The following SRBD1 variants were observed in gnomAD, a reference collection of about 807,000 sequenced individuals.
SRBD1 encodes the protein S1 RNA-binding domain-containing protein 1.
SRBD1 carries 88 observed loss-of-function variants against 115.3 expected under a neutral mutation model. That is an observed-to-expected ratio of 0.76 (90% CI 0.64 to 0.91). The LOEUF is 0.91. SRBD1 is among the 40% of genes least tolerant of loss of function. The pLI, the probability that SRBD1 is intolerant of heterozygous loss-of-function variation, is 0.00. For synonymous variants in SRBD1, 509 were observed against 407.7 expected, an observed-to-expected ratio of 1.25 and a Z score of -2.99; for missense variants, 1,385 against 1,177.4, an observed-to-expected ratio of 1.18 and a Z score of -2.58.
At chr2:45,515,099 C>G (rs547243711) in intron 14 of SRBD1, among the ~76,000 whole-genome samples, 2 of 152,222 alleles carry the variant, frequency 1.3e-5, no homozygotes, top group East Asian at 3.9e-4. Context: ...ACAGCAAATT[C>G]CATGAGAACA....
chr2:45,530,622 C>T (rs1229874604), intron 14 of SRBD1, among the ~76,000 whole-genome samples: 1 of 151,956 alleles, frequency 6.6e-6, no homozygotes, highest in African/African-American at 2.4e-5. Flanking sequence ...AAAGAAGATG[C>T]TATTAACTGT....
rs374546362 is a variant in SRBD1 at position 45,565,465 on chromosome 2, AC to A, written c.1306-2710del. On this transcript the variant is annotated intron_variant, in intron 9 of 20. Transcript: ENST00000263736. ...TGGACGGACCCCTACTTCACGCTAT[AC>A]ATAAAAATTAACTCAAAATTGATCT... 2.7e-3 allele frequency among the ~76,000 whole-genome samples: 414 copies of A among 152,320 alleles called. 1 individual carries two copies. The highest frequency in any genetic ancestry group is 6.8e-3 in the Middle Eastern group (2 of 294).
At chr2:45,418,305 T>G in intron 18 of SRBD1, 60 bp downstream of exon 18, 1 of 1,572,016 alleles carries the variant, frequency 6.4e-7, no homozygotes. Flanking sequence ...AGTGGTAGGA[T>G]AGGTAACAGT....
At chr2:45,418,607 T>A in intron 17 of SRBD1, 66 bp from the exon 18 acceptor site, 1 of 1,453,166 alleles carries the variant, frequency 6.9e-7, no homozygotes, top group Non-Finnish European at 9.2e-7. Context: ...TATAAAACAT[T>A]TGGATCATAA....
Position 45,596,254 on chromosome 2 carries a change from T to G in SRBD1, c.648+3195A>C, listed in dbSNP as rs79778618. 5.3e-3 allele frequency among the ~76,000 whole-genome samples: 803 copies of G among 152,320 alleles called. 3 individuals are homozygous for G. Among genetic ancestry groups the G allele is most frequent in the Non-Finnish European group, 8.5e-3 (580 of 68,026 alleles). On this transcript the variant is annotated intron_variant, in intron 4 of 20. Transcript: ENST00000263736. Reference sequence around the variant, plus strand: ...TGGGCACCTATCGCTCATCATACACTTGTCCCTCCTCATTCTATTCAGCAA... The same window carrying G: ...TGGGCACCTATCGCTCATCATACACGTGTCCCTCCTCATTCTATTCAGCAA...
chr2:45,422,722 C>T (rs1572624012), intron 16 of SRBD1, among the ~76,000 whole-genome samples: 1 of 152,168 alleles, frequency 6.6e-6, no homozygotes, highest in South Asian at 2.1e-4. Context: ...AAAAGCAAAG[C>T]ATGTGAGAAG....
chr2:45,538,271 C>A (rs141716730), intron 14 of SRBD1, among the ~76,000 whole-genome samples: 44 of 152,332 alleles, frequency 2.9e-4, no homozygotes, highest in African/African-American at 1.0e-3. Context: ...ACCCAGAGGG[C>A]CTTACCCCAG....
At chr2:45,404,467 C>A (rs1326455402) in intron 19 of SRBD1, among the ~76,000 whole-genome samples, 1 of 152,100 alleles carries the variant, frequency 6.6e-6, no homozygotes, top group African/African-American at 2.4e-5. Context: ...CTTCATCCTC[C>A]ACAGTGTCTC....
intron 18 of SRBD1, among the ~76,000 whole-genome samples, chr2:45,414,520 G>A (rs1417437428): frequency 2.0e-5 from 3 of 148,140 alleles, no homozygotes; most frequent in Non-Finnish European, 4.5e-5. Flanking sequence ...CACACATAGT[G>A]TGTATATAGT....
At position 45,413,152 on chromosome 2, in the gene SRBD1, T is replaced by C. The variant is rs1266942146; in HGVS notation, c.2475A>G (p.Gln825=). The change falls in exon 19 of 21, where the codon CAA becomes CAG. Residue 825 remains glutamine, a synonymous_variant. Transcript: ENST00000263736. ...NVLLKPNPLD[Q]TCIHPESYDI... ...CATATGATTCTGGATGAATACAAGTTTGGTCCAAAGGATTTGGCTTCAGTA... is the reference window on the plus strand; with the variant it reads ...CATATGATTCTGGATGAATACAAGTCTGGTCCAAAGGATTTGGCTTCAGTA... 6.2e-7 allele frequency: 1 copy of C among 1,613,988 alleles called. No homozygotes were observed. The highest frequency in any genetic ancestry group is 1.7e-5 in the Admixed American group (1 of 59,990).
intron 1 of SRBD1, among the ~76,000 whole-genome samples, chr2:45,611,002 A>G (rs1048124523): frequency 2.6e-5 from 4 of 152,060 alleles, no homozygotes; most frequent in South Asian, 2.1e-4. Flanking sequence ...ATTTGGCTGA[A>G]AAGAGGTGTC....
At chr2:45,418,917 G>A (rs758062032) in intron 17 of SRBD1, among the ~76,000 whole-genome samples, 1 of 152,142 alleles carries the variant, frequency 6.6e-6, no homozygotes, top group Non-Finnish European at 1.5e-5. Flanking sequence ...TGAGTTAGAA[G>A]AAGTTATAAT....
chr2:45,602,226 G>C, intron 2 of SRBD1, 143 bp from the exon 3 acceptor site: 1 of 955,546 alleles, frequency 1.0e-6, no homozygotes, highest in Non-Finnish European at 1.5e-6. Context: ...GCTGTGAACA[G>C]TTATTGCTAA....
intron 19 of SRBD1, among the ~76,000 whole-genome samples, chr2:45,412,784 T>C (rs137960053): frequency 2.1e-4 from 32 of 152,316 alleles, no homozygotes; most frequent in African/African-American, 7.2e-4. Context: ...GTTTTATCTT[T>C]AGAAAAGCAC....
chr2:45,504,766 G>A (rs1190154797), intron 14 of SRBD1, among the ~76,000 whole-genome samples: 4 of 151,980 alleles, frequency 2.6e-5, no homozygotes, highest in South Asian at 2.1e-4. Context: ...AAGAGGAAGC[G>A]GCAAGGACCT....
chr2:45,406,712 C>G lies in SRBD1; in HGVS notation c.2513+6402G>C, dbSNP rs1025419244. On this transcript the variant is annotated intron_variant, in intron 19 of 20. Coordinates refer to ENST00000263736, the MANE Select transcript of SRBD1 (RefSeq NM_018079.5). ...TGCAGCAGAACAGCATAAAATTCTA[C>G]ATACTCTAGAGAAGAATCCATTTCC... is the stretch of plus-strand genomic sequence containing the variant. Among the ~76,000 whole-genome samples, 5 of 152,294 alleles carry G rather than the reference C, an allele frequency of 3.3e-5. No homozygotes were observed. In the East Asian group the frequency reaches 9.7e-4, roughly 29 times the overall value.
intron 2 of SRBD1, among the ~76,000 whole-genome samples, chr2:45,604,589 C>G (rs1023901407): frequency 2.8e-4 from 43 of 152,300 alleles, no homozygotes; most frequent in African/African-American, 9.9e-4. Flanking sequence ...GTTCCCTGAA[C>G]ACACCAAACT....
chr2:45,422,153 A>C (rs1668026264), intron 16 of SRBD1, among the ~76,000 whole-genome samples: 1 of 152,242 alleles, frequency 6.6e-6, no homozygotes, highest in African/African-American at 2.4e-5. Context: ...AATAATCGTT[A>C]AGAGCCATTA....
chr2:45,608,953 G>C (rs150041331), intron 1 of SRBD1, among the ~76,000 whole-genome samples: 1 of 151,816 alleles, frequency 6.6e-6, no homozygotes. Context: ...GATTACAGGC[G>C]TGTACCACCA....
Sources: allele counts gnomAD v4.1 joint callset (sites outside exome capture counted in the v4.1 genomes callset), GRCh38; gene constraint gnomAD v4.1.1; transcripts MANE v1.5; gene names NCBI Gene and HGNC (gene_info 2026-07-23, HGNC 2026-07-21).